The following SHPRH variants were observed in gnomAD, a reference collection of about 807,000 sequenced individuals.
SHPRH encodes SNF2 histone linker PHD RING helicase.
In SHPRH, 106 loss-of-function variants were observed where a neutral mutation model predicts 202.5. The ratio of observed to expected loss-of-function variants is 0.52; its 90% CI spans 0.45 to 0.62. The LOEUF is 0.62. SHPRH is among the 20% of genes least tolerant of loss of function. The probability of loss-of-function intolerance (pLI) is 0.00; values close to 1 mark genes in which losing one functional copy is unlikely to be tolerated. For synonymous variants in SHPRH, 729 were observed against 686.0 expected (o/e 1.06, Z -0.98); for missense variants, 1,710 against 2,020.0 (o/e 0.85, Z 2.94).
intron 25 of SHPRH, chr6:145,906,145 T>C (rs1562304746): frequency 6.6e-6 from 1 of 151,944 alleles, no homozygotes; most frequent in Non-Finnish European, 1.5e-5. Flanking sequence ...GTGTAACAAC[T>C]TCCATTTTTT....
intron 6 of SHPRH, 134 bp downstream of exon 6, chr6:145,947,359 T>A: frequency 9.9e-7 from 1 of 1,006,434 alleles, no homozygotes; most frequent in South Asian, 2.5e-5. Context: ...TGAAGTTAAC[T>A]AACCACTAAT....
At chr6:145,951,269 G>A (rs1378315590) in intron 3 of SHPRH, among the ~76,000 whole-genome samples, 1 of 151,966 alleles carries the variant, frequency 6.6e-6, no homozygotes, top group Non-Finnish European at 1.5e-5. Context: ...ATTCTTTCAA[G>A]GTGAAAAAGT....
rs888736123 is a variant in SHPRH, at chr6:145,885,222, G to C, written c.*1469C>G. 1 of 152,108 alleles carries C rather than the reference G, an allele frequency of 6.6e-6. No individual in the cohort carries two copies. Among genetic ancestry groups the C allele is most frequent in the East Asian group, 1.9e-4 (1 of 5,186 alleles). 9.4% of individuals were successfully genotyped at this position (152,108 alleles called of 1,614,324 possible). A position where few individuals can be genotyped will look rare whatever the true frequency, so the allele number is the denominator to read the frequency against. Reference sequence around the variant, plus strand: ...CAAGATTGTTGGGTAAATTAAACACGTAAATGTACATGAAAGCTCTTTTTA... The same window carrying C: ...CAAGATTGTTGGGTAAATTAAACACCTAAATGTACATGAAAGCTCTTTTTA... On this transcript the variant is annotated 3_prime_UTR_variant, in exon 30 of 30. Transcript: ENST00000275233.
chr6:145,962,879 T>C (rs1789240583), intron 1 of SHPRH, among the ~76,000 whole-genome samples: 1 of 152,218 alleles, frequency 6.6e-6, no homozygotes, highest in Non-Finnish European at 1.5e-5. Flanking sequence ...TATTTTCTTC[T>C]ACTGAATGCT....
chr6:145,948,612 G>A (rs956267639), intron 4 of SHPRH, among the ~76,000 whole-genome samples: 7 of 152,030 alleles, frequency 4.6e-5, no homozygotes, highest in African/African-American at 1.7e-4. Flanking sequence ...GGACAGATAA[G>A]CAAAGTGTGG....
At chr6:145,891,763 GA>G (rs1781585037) in intron 28 of SHPRH, among the ~76,000 whole-genome samples, 1 of 152,210 alleles carries the variant, frequency 6.6e-6, no homozygotes, top group East Asian at 1.9e-4. Context: ...TCAGAAAGTA[GA>G]AAAAAACATA....
At chr6:145,873,146 C>T (rs947288517) in intron 2 of SHPRH, among the ~76,000 whole-genome samples, 5 of 152,024 alleles carry the variant, frequency 3.3e-5, no homozygotes, top group African/African-American at 1.2e-4. Context: ...ATGTAACAAA[C>T]CTGCATATCC....
rs201626412 is a variant in SHPRH, at chr6:145,964,302, GT to G, written c.-605del. On this transcript the variant is annotated 5_prime_UTR_variant, in exon 1 of 30. Coordinates refer to ENST00000275233, the MANE Select transcript of SHPRH (RefSeq NM_001042683.3). Reference sequence around the variant, plus strand: ...GCGCTTTTTGCCGGAACGTGTAGGGGTCCCCCGGGAGACCCAGAAACCACAG... The same window carrying G: ...GCGCTTTTTGCCGGAACGTGTAGGGGCCCCCGGGAGACCCAGAAACCACAG... 0.037 allele frequency: 5,704 copies of G among 152,226 alleles called. 160 individuals are homozygous for G. Among genetic ancestry groups the G allele is most frequent in the Non-Finnish European group, 0.055 (3,763 of 68,058 alleles). The allele number at this position is 152,226 out of a possible 1,614,324, so 9.4% of individuals were successfully genotyped here. A position where few individuals can be genotyped will look rare whatever the true frequency, so the allele number is the denominator to read the frequency against.
At chr6:145,895,707 A>G (rs1465725091) in intron 25 of SHPRH, among the ~76,000 whole-genome samples, 1 of 152,024 alleles carries the variant, frequency 6.6e-6, no homozygotes, top group African/African-American at 2.4e-5. Flanking sequence ...GGTATGACAG[A>G]GAAATTAAGG....
chr6:145,863,888 T>C (rs1779660517), downstream of SHPRH, among the ~76,000 whole-genome samples: 1 of 152,358 alleles, frequency 6.6e-6, no homozygotes, highest in South Asian at 2.1e-4. Context: ...TATAAGTCAA[T>C]GAAGAATTAT....
intron 8 of SHPRH, 106 bp from the exon 9 acceptor site, chr6:145,943,908 TGCTACC>T (rs1787080329): frequency 9.2e-7 from 1 of 1,088,424 alleles, no homozygotes; most frequent in Non-Finnish European, 1.3e-6. Context: ...AGCCAGTCTT[TGCTACC>T]CTTTTCCCTG....
intron 23 of SHPRH, among the ~76,000 whole-genome samples, chr6:145,915,442 T>C (rs778280808): frequency 6.6e-6 from 1 of 151,882 alleles, no homozygotes; most frequent in East Asian, 1.9e-4. Context: ...TCCAAAGAAG[T>C]TCCTTTAATA....
chr6:145,899,199 T>C (rs1468082751), intron 25 of SHPRH, among the ~76,000 whole-genome samples: 3 of 152,034 alleles, frequency 2.0e-5, no homozygotes, highest in South Asian at 2.1e-4. Context: ...GGAAAAACAA[T>C]TCTAAAACTC....
intron 14 of SHPRH, among the ~76,000 whole-genome samples, chr6:145,932,380 CA>C (rs1307331992): frequency 6.6e-6 from 1 of 152,084 alleles, no homozygotes; most frequent in Admixed American, 6.5e-5. Flanking sequence ...AGACCTAATG[CA>C]AAAAAAGTGA....
intron 25 of SHPRH, among the ~76,000 whole-genome samples, chr6:145,897,314 T>C (rs1265808575): frequency 2.6e-5 from 4 of 151,826 alleles, no homozygotes; most frequent in African/African-American, 7.3e-5. Flanking sequence ...CCCAGAAACA[T>C]ACAATCTACC....
intron 2 of SHPRH, among the ~76,000 whole-genome samples, chr6:145,878,253 CT>C (rs1477521132): frequency 6.6e-6 from 1 of 152,188 alleles, no homozygotes; most frequent in Admixed American, 6.5e-5. Flanking sequence ...ACCTTTCCTA[CT>C]ATCAATATCC....
At chr6:145,891,741 A>G (rs2128713802) in intron 28 of SHPRH, among the ~76,000 whole-genome samples, 1 of 152,294 alleles carries the variant, frequency 6.6e-6, no homozygotes, top group South Asian at 2.1e-4. Context: ...AGACACACTT[A>G]AGACAGACTC....
At chr6:145,907,302 C>A (rs1051858017) in intron 25 of SHPRH, 4 of 152,138 alleles carry the variant, frequency 2.6e-5, no homozygotes, top group East Asian at 1.9e-4. Flanking sequence ...ATACCCACTT[C>A]TCTCCATTTC....
chr6:145,880,390 A>G (rs983401567), downstream of SHPRH, among the ~76,000 whole-genome samples: 1 of 152,118 alleles, frequency 6.6e-6, no homozygotes, highest in Non-Finnish European at 1.5e-5. Context: ...GCACTTTGGG[A>G]GGCTGAGGCA....
Sources: gnomAD v4.1 joint callset for allele counts (sites outside exome capture counted in the v4.1 genomes callset) on GRCh38, gnomAD v4.1.1 for gene constraint, MANE v1.5 for transcripts, NCBI Gene and HGNC (gene_info 2026-07-23, HGNC 2026-07-21) for gene names.